Variants in SPAG16 observed in about 807,000 individuals in gnomAD.
The protein encoded by SPAG16 is sperm associated antigen 16.
Under a neutral mutation model 80.4 loss-of-function variants are expected in SPAG16, and 86 were observed. The observed-to-expected ratio is 1.07, with a 90% CI of 0.90 to 1.28. The LOEUF is 1.28. Ranked by LOEUF, SPAG16 falls within the 50% of genes most tolerant of loss-of-function variation. The probability of loss-of-function intolerance (pLI) is 0.00; values close to 1 mark genes in which losing one functional copy is unlikely to be tolerated. For missense variants in SPAG16, 870 were observed against 765.3 expected (o/e 1.14, Z -1.61); for synonymous variants, 294 against 265.9 (o/e 1.11, Z -1.03).
intron 15 of SPAG16, among the ~76,000 whole-genome samples, chr2:214,393,037 C>T (rs1051024695): frequency 6.6e-6 from 1 of 152,124 alleles, no homozygotes; most frequent in South Asian, 2.1e-4. Flanking sequence ...AATGAAACTT[C>T]GTGGTGGAAG....
At chr2:213,293,576 G>C (rs539537501) in intron 1 of SPAG16, among the ~76,000 whole-genome samples, 1 of 152,178 alleles carries the variant, frequency 6.6e-6, no homozygotes, top group Non-Finnish European at 1.5e-5. Context: ...GAAGAACTGA[G>C]GTCTTCTGGG....
chr2:213,730,132 C>T (rs9283526), intron 10 of SPAG16, among the ~76,000 whole-genome samples: 34,349 of 152,052 alleles, frequency 0.23, 4,412 homozygotes, highest in East Asian at 0.51. Context: ...TGATTAAGCT[C>T]GTCCACTTTG....
At chr2:213,459,954 C>G (rs1039566602) in intron 9 of SPAG16, among the ~76,000 whole-genome samples, 2 of 151,474 alleles carry the variant, frequency 1.3e-5, no homozygotes, top group Non-Finnish European at 2.9e-5. Context: ...GATTTTACCC[C>G]CACTGAATAA....
intron 9 of SPAG16, among the ~76,000 whole-genome samples, chr2:213,409,572 A>G (rs2068848661): frequency 6.6e-6 from 1 of 152,228 alleles, no homozygotes; most frequent in South Asian, 2.1e-4. Flanking sequence ...CAAAAATTAT[A>G]AAAGGTTAAA....
chr2:213,981,374 CT>C (rs2045736604), intron 12 of SPAG16, among the ~76,000 whole-genome samples: 1 of 151,978 alleles, frequency 6.6e-6, no homozygotes, highest in African/African-American at 2.4e-5. Flanking sequence ...TCAAGGAGCT[CT>C]TTTTTTCCAA....
intron 15 of SPAG16, among the ~76,000 whole-genome samples, chr2:214,383,672 G>A (rs1194161901): frequency 6.6e-6 from 1 of 152,120 alleles, no homozygotes; most frequent in Non-Finnish European, 1.5e-5. Context: ...GACCATTCCG[G>A]CCAGACAGAA....
chr2:214,359,512 T>C (rs1014398757), intron 15 of SPAG16, among the ~76,000 whole-genome samples: 1 of 151,936 alleles, frequency 6.6e-6, no homozygotes, highest in Non-Finnish European at 1.5e-5. Context: ...AGTTTAATGC[T>C]TTGGCTTTTC....
intron 15 of SPAG16, among the ~76,000 whole-genome samples, chr2:214,353,123 A>T (rs1038130016): frequency 3.3e-5 from 5 of 152,140 alleles, no homozygotes; most frequent in Non-Finnish European, 7.4e-5. Flanking sequence ...TAATCTAAAT[A>T]TTTATTTGGT....
intron 9 of SPAG16, among the ~76,000 whole-genome samples, chr2:213,463,724 G>C (rs2072513505): frequency 6.6e-6 from 1 of 152,264 alleles, no homozygotes; most frequent in Non-Finnish European, 1.5e-5. Context: ...TTGCTGCAGG[G>C]GCGGAGCCCT....
rs576178307 is a variant in SPAG16 at position 213,442,579 on chromosome 2, C to A, written c.943-47384C>A. Among the ~76,000 whole-genome samples, 11 of 152,226 alleles carry A rather than the reference C, an allele frequency of 7.2e-5. No individual in the cohort carries two copies. In the South Asian group the frequency reaches 1.9e-3, roughly 26 times the overall value. On this transcript the variant is annotated intron_variant, in intron 9 of 15. Coordinates refer to ENST00000331683, the MANE Select transcript of SPAG16 (RefSeq NM_024532.5). ...CTGGCAAAAGAATAGACAAATAGAT[C>A]ACTGGAACAGAATAGAGTGGCCAAC... is the stretch of plus-strand genomic sequence containing the variant.
intron 10 of SPAG16, among the ~76,000 whole-genome samples, chr2:213,565,875 G>A (rs1039077112): frequency 6.6e-6 from 1 of 152,170 alleles, no homozygotes; most frequent in Non-Finnish European, 1.5e-5. Context: ...CAATGATAAC[G>A]ATTGTTGAAG....
At chr2:214,306,190 T>A (rs1694900215) in intron 15 of SPAG16, among the ~76,000 whole-genome samples, 1 of 152,184 alleles carries the variant, frequency 6.6e-6, no homozygotes, top group Non-Finnish European at 1.5e-5. Context: ...CTGTTGTTGG[T>A]GTATTGGAAT....
intron 10 of SPAG16, among the ~76,000 whole-genome samples, chr2:213,802,393 G>GTA (rs1158638384): frequency 1.6e-5 from 2 of 126,002 alleles, no homozygotes; most frequent in African/African-American, 6.0e-5. Flanking sequence ...AATGATTCAT[G>GTA]TCTCTATCTA....
chr2:213,288,710 T>C (rs975236240), intron 1 of SPAG16, among the ~76,000 whole-genome samples: 10 of 152,052 alleles, frequency 6.6e-5, no homozygotes, highest in African/African-American at 2.2e-4. Flanking sequence ...GGTGGATGCA[T>C]AGATTTCTTT....
At chr2:214,179,714 G>A (rs2057248376) in intron 15 of SPAG16, among the ~76,000 whole-genome samples, 1 of 151,442 alleles carries the variant, frequency 6.6e-6, no homozygotes, top group South Asian at 2.1e-4. Flanking sequence ...AGGCTTTCTT[G>A]TGGACAATAA....
chr2:214,094,503 C>G (rs2052448434), intron 13 of SPAG16, among the ~76,000 whole-genome samples: 2 of 152,054 alleles, frequency 1.3e-5, no homozygotes, highest in Admixed American at 6.6e-5. Flanking sequence ...TATAAACAAG[C>G]TTTCTGCTTG....
chr2:213,415,645 T>C (rs2069210485), intron 9 of SPAG16, among the ~76,000 whole-genome samples: 1 of 152,204 alleles, frequency 6.6e-6, no homozygotes, highest in Admixed American at 6.5e-5. Context: ...CAGATGTTTT[T>C]GGCTGGGTTG....
chr2:213,946,390 G>A (rs976639973), intron 12 of SPAG16, among the ~76,000 whole-genome samples: 2 of 152,048 alleles, frequency 1.3e-5, no homozygotes, highest in Non-Finnish European at 2.9e-5. Flanking sequence ...TGGGATTACA[G>A]GCGTGAGCCA....
chr2:214,112,585 G>T (rs537806008), intron 14 of SPAG16, among the ~76,000 whole-genome samples: 2 of 148,700 alleles, frequency 1.3e-5, no homozygotes, highest in African/African-American at 4.9e-5. Context: ...TGTCTCTTTT[G>T]ATCTTTGTTG....
Sources: allele counts gnomAD v4.1 joint callset (sites outside exome capture counted in the v4.1 genomes callset), GRCh38; gene constraint gnomAD v4.1.1; transcripts MANE v1.5; gene names NCBI Gene and HGNC (gene_info 2026-07-23, HGNC 2026-07-21).